ASPRV1: variants seen among roughly 807,000 people sequenced by gnomAD.
ASPRV1 encodes the protein retroviral-like aspartic protease 1.
Under a neutral mutation model 11.0 loss-of-function variants are expected in ASPRV1, and 7 were observed. The ratio of observed to expected loss-of-function variants is 0.64; its 90% CI spans 0.36 to 1.20. The LOEUF (loss-of-function observed/expected upper bound fraction) is 1.20, where lower values mean the gene tolerates loss of function less well. Among genes scored for constraint, ASPRV1 ranks in the 50% most tolerant of loss-of-function variants. ASPRV1 has a pLI of 0.02. For synonymous variants in ASPRV1, 136 were observed against 138.4 expected (o/e 0.98, Z 0.12); for missense variants, 299 against 320.0 (o/e 0.93, Z 0.50).
At chr2:70,003,207 A>G in the ASPRV1 span, 1 of 152,182 alleles carries the variant, frequency 6.6e-6, no homozygotes, top group African/African-American at 2.4e-5. Flanking sequence ...GAAGTCCTGA[A>G]GTCTTTGCCA....
At chr2:69,986,434 C>T in the ASPRV1 span, among the ~76,000 whole-genome samples, 1 of 152,208 alleles carries the variant, frequency 6.6e-6, no homozygotes, top group Non-Finnish European at 1.5e-5. Flanking sequence ...GAGGGGCTGC[C>T]CTCTGGGGTA....
chr2:69,958,687 AG>A (rs1677994155), downstream of ASPRV1, among the ~76,000 whole-genome samples: 1 of 152,044 alleles, frequency 6.6e-6, no homozygotes, highest in Admixed American at 6.5e-5. Context: ...CCCTCGGGAG[AG>A]GGCTCGGCCC....
the ASPRV1 span, among the ~76,000 whole-genome samples, chr2:69,997,187 T>TAAA: frequency 4.4e-5 from 6 of 136,140 alleles, no homozygotes; most frequent in Non-Finnish European, 4.8e-5. Context: ...CCCAGTCTAT[T>TAAA]AAAAAAAAAA....
chr2:70,030,643 T>C, the ASPRV1 span: 2 of 152,148 alleles, frequency 1.3e-5, no homozygotes, highest in African/African-American at 2.4e-5. Flanking sequence ...AATGATCCAA[T>C]GAAAGTTTAA....
the ASPRV1 span, among the ~76,000 whole-genome samples, chr2:69,985,391 C>T: frequency 7.2e-5 from 11 of 152,234 alleles, no homozygotes; most frequent in Non-Finnish European, 1.3e-4. Context: ...CTTCCCATCT[C>T]ACTAAATCCC....
At chr2:69,982,201 A>C in the ASPRV1 span, among the ~76,000 whole-genome samples, 1 of 151,982 alleles carries the variant, frequency 6.6e-6, no homozygotes. Context: ...TATTAAGGCT[A>C]GGCATGGTGG....
chr2:70,061,631 C>T, the ASPRV1 span, among the ~76,000 whole-genome samples: 1 of 152,120 alleles, frequency 6.6e-6, no homozygotes, highest in Non-Finnish European at 1.5e-5. Context: ...AAGTAAAGAA[C>T]TCAAATCTTT....
At chr2:70,042,488 AG>A in the ASPRV1 span, among the ~76,000 whole-genome samples, 1 of 152,212 alleles carries the variant, frequency 6.6e-6, no homozygotes, top group Middle Eastern at 3.2e-3. Context: ...GGACAGGGTT[AG>A]GAAGTCCAGG....
At chr2:69,999,788 C>T in the ASPRV1 span, among the ~76,000 whole-genome samples, 1 of 152,014 alleles carries the variant, frequency 6.6e-6, no homozygotes, top group African/African-American at 2.4e-5. Context: ...ACCCCACCCC[C>T]ACCACTCCCC....
At chr2:69,966,084 C>T (rs1416568125), upstream of ASPRV1, among the ~76,000 whole-genome samples, 1 of 152,244 alleles carries the variant, frequency 6.6e-6, no homozygotes, top group Non-Finnish European at 1.5e-5. Context: ...CCTGGGGGGT[C>T]CTGGAGGTGT....
the ASPRV1 span, chr2:69,995,466 A>T: frequency 6.6e-6 from 1 of 152,162 alleles, no homozygotes; most frequent in Non-Finnish European, 1.5e-5. Context: ...GACAGGAGAT[A>T]TCTTTCTCAC....
At chr2:69,966,448 C>A (rs1425249976), upstream of ASPRV1, among the ~76,000 whole-genome samples, 3 of 152,246 alleles carry the variant, frequency 2.0e-5, no homozygotes, top group Non-Finnish European at 4.4e-5. Context: ...TAAGGAAAGA[C>A]CCTATGCAGA....
At chr2:70,065,819 C>CAAAAAAAAAAAAAAAAAA in the ASPRV1 span, among the ~76,000 whole-genome samples, 11 of 67,444 alleles carry the variant, frequency 1.6e-4, no homozygotes, top group East Asian at 4.9e-4. Context: ...GCTTTTGACT[C>CAAAAAAAAAAAAAAAAAA]AAAAAAAAAA....
the ASPRV1 span, among the ~76,000 whole-genome samples, chr2:69,982,070 T>C: frequency 6.1e-4 from 93 of 151,820 alleles, no homozygotes; most frequent in Middle Eastern, 3.4e-3. Context: ...CATCCATCCA[T>C]CCATCCATCC....
chr2:69,993,638 G>T, the ASPRV1 span: 1 of 152,162 alleles, frequency 6.6e-6, no homozygotes, highest in African/African-American at 2.4e-5. Context: ...AATGAAACTT[G>T]AATTGCCAAA....
the ASPRV1 span, among the ~76,000 whole-genome samples, chr2:70,041,767 G>GT: frequency 6.6e-6 from 1 of 152,204 alleles, no homozygotes; most frequent in Non-Finnish European, 1.5e-5. Flanking sequence ...CCAGAAGCCA[G>GT]TGACGACCAT....
the ASPRV1 span, among the ~76,000 whole-genome samples, chr2:70,000,788 CAAAAAAAA>C: frequency 6.8e-3 from 285 of 42,016 alleles, no homozygotes; most frequent in African/African-American, 0.02. Flanking sequence ...GACCCTGCCT[CAAAAAAAA>C]AAAAAAAAAA....
chr2:69,957,282 A>G (rs748216344), downstream of ASPRV1, among the ~76,000 whole-genome samples: 7 of 152,136 alleles, frequency 4.6e-5, no homozygotes, highest in Non-Finnish European at 7.3e-5. Flanking sequence ...AGGTTCCTAT[A>G]TATATAGATA....
At chr2:70,051,163 C>A in the ASPRV1 span, 2 of 152,102 alleles carry the variant, frequency 1.3e-5, no homozygotes, top group South Asian at 2.1e-4. Flanking sequence ...CCCTACTTAA[C>A]CGAGATGAAA....
Sources: allele counts gnomAD v4.1 joint callset (sites outside exome capture counted in the v4.1 genomes callset), GRCh38; gene constraint gnomAD v4.1.1; transcripts MANE v1.5; gene names NCBI Gene and HGNC (gene_info 2026-07-23, HGNC 2026-07-21).